Variants in MKLN1 observed in about 807,000 individuals in gnomAD.
The protein encoded by MKLN1 is muskelin 1, also known as muskelin.
MKLN1 carries 18 observed loss-of-function variants against 99.0 expected under a neutral mutation model. The observed-to-expected ratio is 0.18, with a 90% CI of 0.13 to 0.27. MKLN1 has a LOEUF of 0.27. Ranked by LOEUF, MKLN1 falls within the 10% of genes least tolerant of loss-of-function variation. The probability of loss-of-function intolerance (pLI) is 1.00; values close to 1 mark genes in which losing one functional copy is unlikely to be tolerated. For synonymous variants in MKLN1, 288 were observed against 293.2 expected (o/e 0.98, Z 0.18); for missense variants, 621 against 875.9 (o/e 0.71, Z 3.67).
At chr7:131,405,274 T>A (rs1212099291) in intron 6 of MKLN1, among the ~76,000 whole-genome samples, 1 of 151,916 alleles carries the variant, frequency 6.6e-6, no homozygotes, top group Non-Finnish European at 1.5e-5. Context: ...ACTAGTCTCT[T>A]GAGAGAACCA....
chr7:131,180,074 CT>C (rs981592754), intron 2 of MKLN1, among the ~76,000 whole-genome samples: 7 of 152,070 alleles, frequency 4.6e-5, no homozygotes, highest in Non-Finnish European at 1.0e-4. Context: ...TTTTTATAAC[CT>C]TTTTTCCATG....
Position 131,487,230 on chromosome 7 carries a change from C to T in MKLN1, c.2087-377C>T, listed in dbSNP as rs1377780802. Among the ~76,000 whole-genome samples the T allele has an allele frequency of 6.6e-6, 1 of 152,048 alleles. No homozygotes were observed. On this transcript the variant is annotated intron_variant, in intron 17 of 17. Coordinates refer to ENST00000352689, the MANE Select transcript of MKLN1 (RefSeq NM_013255.5). The surrounding 1 kb of genome is among the most constrained non-coding windows in gnomAD (Gnocchi z 4.7). ...AGTCAGAAAAGACAAGTGGAATTTC[C>T]TCAGTGGACCAGCAGAGAAAAGACC... is the stretch of plus-strand genomic sequence containing the variant.
At chr7:131,135,303 A>G (rs1795632068) in intron 1 of MKLN1, among the ~76,000 whole-genome samples, 1 of 152,056 alleles carries the variant, frequency 6.6e-6, no homozygotes, top group Non-Finnish European at 1.5e-5. Flanking sequence ...TTGTATTTTT[A>G]GTAGAGACGG....
At chr7:131,476,391 G>A (rs923950546) in intron 16 of MKLN1, among the ~76,000 whole-genome samples, 7 of 151,960 alleles carry the variant, frequency 4.6e-5, no homozygotes, top group Non-Finnish European at 7.4e-5. Flanking sequence ...ATGTACATTC[G>A]AAACCCCATG....
chr7:131,246,631 A>C (rs1325980749), intron 3 of MKLN1, among the ~76,000 whole-genome samples: 1 of 150,034 alleles, frequency 6.7e-6, no homozygotes, highest in Non-Finnish European at 1.5e-5. Context: ...CCTCCAATAA[A>C]GTGATTTTAG....
At chr7:131,180,714 G>A (rs1417673658) in intron 2 of MKLN1, among the ~76,000 whole-genome samples, 28 of 144,108 alleles carry the variant, frequency 1.9e-4, no homozygotes, top group Non-Finnish European at 3.2e-4. Flanking sequence ...AAAAAAAAAA[G>A]AAAGAAAAAG....
chr7:131,120,993 C>T (rs1273016357), intron 1 of MKLN1, among the ~76,000 whole-genome samples: 1 of 152,156 alleles, frequency 6.6e-6, no homozygotes, highest in Non-Finnish European at 1.5e-5. Context: ...ATATGTGGGA[C>T]TGGATAATTT....
At chr7:131,290,743 T>C (rs1404521716) in intron 3 of MKLN1, among the ~76,000 whole-genome samples, 3 of 152,244 alleles carry the variant, frequency 2.0e-5, no homozygotes, top group African/African-American at 2.4e-5. Flanking sequence ...CCAAAGATAT[T>C]TAAAGGTAAA....
At chr7:131,391,938 T>C (rs1370584386) in intron 4 of MKLN1, among the ~76,000 whole-genome samples, 1 of 152,166 alleles carries the variant, frequency 6.6e-6, no homozygotes, top group African/African-American at 2.4e-5. Flanking sequence ...ACAGTTGGCC[T>C]TAGAAAGAAG....
At chr7:131,177,918 T>C (rs965956304) in intron 2 of MKLN1, among the ~76,000 whole-genome samples, 5 of 152,202 alleles carry the variant, frequency 3.3e-5, no homozygotes, top group Non-Finnish European at 7.3e-5. Context: ...TAATCTGGAA[T>C]GCAAGCTGCT....
At chr7:131,198,369 A>C (rs1398792195) in intron 2 of MKLN1, among the ~76,000 whole-genome samples, 1 of 152,262 alleles carries the variant, frequency 6.6e-6, no homozygotes, top group Non-Finnish European at 1.5e-5. Flanking sequence ...GTCATGGAAA[A>C]AAATTTTTTT....
At chr7:131,463,444 G>A (rs1386533256) in intron 13 of MKLN1, 80 bp downstream of exon 13, 1 of 1,393,612 alleles carries the variant, frequency 7.2e-7, no homozygotes, top group East Asian at 2.3e-5. Context: ...AGAGAGAAAT[G>A]AGAGTATTAC....
chr7:131,204,933 C>CAAA (rs61100568), intron 3 of MKLN1, among the ~76,000 whole-genome samples: 9,825 of 130,130 alleles, frequency 0.076, 445 homozygotes, highest in African/African-American at 0.1. Context: ...GACTCCGTAT[C>CAAA]AAAAAAAAAA....
intron 8 of MKLN1, among the ~76,000 whole-genome samples, chr7:131,425,610 C>T (rs1425626327): frequency 6.6e-6 from 1 of 152,100 alleles, no homozygotes. Context: ...AATAAACATT[C>T]CTCAAAGTGC....
intron 3 of MKLN1, among the ~76,000 whole-genome samples, chr7:131,246,086 A>G (rs1456828837): frequency 6.6e-6 from 1 of 152,198 alleles, no homozygotes; most frequent in Non-Finnish European, 1.5e-5. Context: ...CTGCATTTCT[A>G]TAACCTCCTT....
In MKLN1 at chr7:131,349,201, C is replaced by CTT. The variant is rs11462857; in HGVS notation, c.98+21215_98+21216dup. On this transcript the variant is annotated intron_variant, in intron 1 of 17. Coordinates refer to ENST00000352689, the MANE Select transcript of MKLN1 (RefSeq NM_013255.5). ...AAGCAGTTTGATCTCTTAAATCTAT[C>CTT]TTTTTTTTTTTTGAGACAGAGTCTT... 2.8e-3 allele frequency among the ~76,000 whole-genome samples: 409 copies of CTT among 148,084 alleles called. 2 individuals are homozygous for CTT. The highest frequency in any genetic ancestry group is 0.01 in the Middle Eastern group (3 of 286).
At chr7:131,183,855 T>C (rs932523828) in intron 2 of MKLN1, among the ~76,000 whole-genome samples, 1 of 152,156 alleles carries the variant, frequency 6.6e-6, no homozygotes, top group Non-Finnish European at 1.5e-5. Context: ...TTGAATTCTT[T>C]TTAGCCTCTG....
intron 3 of MKLN1, among the ~76,000 whole-genome samples, chr7:131,214,492 G>C (rs528594575): frequency 1.3e-5 from 2 of 152,188 alleles, no homozygotes; most frequent in Non-Finnish European, 2.9e-5. Flanking sequence ...ACTCTGAGGG[G>C]ACAAGCTGGA....
intron 3 of MKLN1, chr7:131,309,720 G>GGTTTTTTTTTTT (rs1563287133): frequency 1.5e-5 from 1 of 67,990 alleles, no homozygotes; most frequent in Non-Finnish European, 3.4e-5. Context: ...GCCACAAGTG[G>GGTTTTTTTTTTT]ATTTTTTTTT....
Sources: gnomAD v4.1 joint callset for allele counts (sites outside exome capture counted in the v4.1 genomes callset) on GRCh38, gnomAD v4.1.1 for gene constraint, Gnocchi (gnomAD v3.1) non-coding constraint, MANE v1.5 for transcripts, NCBI Gene and HGNC (gene_info 2026-07-23, HGNC 2026-07-21) for gene names.